The following MGMT variants were observed in gnomAD, a reference collection of about 807,000 sequenced individuals.
MGMT encodes O-6-methylguanine-DNA methyltransferase, also known as methylated-DNA--protein-cysteine methyltransferase.
A neutral mutation model predicts 15.9 loss-of-function variants in MGMT; 14 were observed. The ratio of observed to expected loss-of-function variants is 0.88; its 90% CI spans 0.58 to 1.37. The LOEUF (loss-of-function observed/expected upper bound fraction) is 1.37. MGMT is among the 40% of genes most tolerant of loss of function. The probability of loss-of-function intolerance (pLI) is 0.00; values close to 1 mark genes in which losing one functional copy is unlikely to be tolerated. For synonymous variants in MGMT, 130 were observed against 118.2 expected, an observed-to-expected ratio of 1.10 and a Z score of -0.65; for missense variants, 282 against 268.1, an observed-to-expected ratio of 1.05 and a Z score of -0.36.
At chr10:129,604,178 A>G (rs1253626262) in intron 2 of MGMT, among the ~76,000 whole-genome samples, 1 of 152,144 alleles carries the variant, frequency 6.6e-6, no homozygotes, top group African/African-American at 2.4e-5. Flanking sequence ...TGATTTACCA[A>G]AGCACTCTCT....
intron 1 of MGMT, among the ~76,000 whole-genome samples, chr10:129,517,024 T>C (rs1275202219): frequency 3.9e-5 from 6 of 152,188 alleles, no homozygotes; most frequent in African/African-American, 1.4e-4. Flanking sequence ...GGAAACAAAC[T>C]GGTGTCCAGC....
At chr10:129,738,137 G>A (rs1848586921) in intron 3 of MGMT, among the ~76,000 whole-genome samples, 1 of 152,240 alleles carries the variant, frequency 6.6e-6, no homozygotes. Flanking sequence ...GCAATGGCGG[G>A]TGCCCCTCCC....
At chr10:129,715,807 A>G (rs1848288066) in intron 3 of MGMT, among the ~76,000 whole-genome samples, 1 of 152,244 alleles carries the variant, frequency 6.6e-6, no homozygotes, top group Admixed American at 6.5e-5. Context: ...TGTAAGAACT[A>G]TGACTTAATG....
At chr10:129,665,878 G>T (rs1847653787) in intron 2 of MGMT, among the ~76,000 whole-genome samples, 1 of 152,176 alleles carries the variant, frequency 6.6e-6, no homozygotes, top group Admixed American at 6.5e-5. Flanking sequence ...AGTGTATTGT[G>T]GGAGAGACTT....
chr10:129,714,337 C>T (rs1848268693), intron 3 of MGMT, among the ~76,000 whole-genome samples: 1 of 152,222 alleles, frequency 6.6e-6, no homozygotes, highest in Non-Finnish European at 1.5e-5. Context: ...TTTGAATATG[C>T]AGTTTCCTAC....
intron 3 of MGMT, among the ~76,000 whole-genome samples, chr10:129,742,345 C>T (rs774205537): frequency 2.6e-5 from 4 of 152,256 alleles, no homozygotes; most frequent in African/African-American, 9.6e-5. Flanking sequence ...TCACACCATG[C>T]GTAGGGCTGG....
chr10:129,649,465 A>T (rs940280433), intron 2 of MGMT, among the ~76,000 whole-genome samples: 1 of 152,180 alleles, frequency 6.6e-6, no homozygotes, highest in African/African-American at 2.4e-5. Context: ...TGGGAGGAAG[A>T]TATAATGGAT....
chr10:129,556,522 A>T lies in MGMT; in HGVS notation c.125+20145A>T, dbSNP rs1308094064. Among the ~76,000 whole-genome samples the T allele has an allele frequency of 1.3e-5, 2 of 152,118 alleles. No individual in the cohort carries two copies. The highest frequency in any genetic ancestry group is 4.8e-5 in the African/African-American group (2 of 41,438). On this transcript the variant is annotated intron_variant, in intron 2 of 4. Coordinates refer to ENST00000651593, the MANE Select transcript of MGMT (RefSeq NM_002412.5). The surrounding 1 kb of genome is among the most constrained non-coding windows in gnomAD (Gnocchi z 4.3). ...AGCACCCAGGCTGCAGGGCTTCGTC[A>T]GGGCAGCCCTGGCGGAAGAACGCAG... is the stretch of plus-strand genomic sequence containing the variant.
At chr10:129,511,599 C>G (rs374444577) in intron 1 of MGMT, among the ~76,000 whole-genome samples, 2 of 152,200 alleles carry the variant, frequency 1.3e-5, no homozygotes, top group East Asian at 3.8e-4. Flanking sequence ...CACCAAGGTT[C>G]TGGGTTGTGT....
chr10:129,694,812 A>C (rs1848011769), intron 2 of MGMT, among the ~76,000 whole-genome samples: 2 of 152,174 alleles, frequency 1.3e-5, no homozygotes, highest in Admixed American at 6.5e-5. Flanking sequence ...GGGGGACAGC[A>C]TCTGAACTCT....
chr10:129,589,564 C>T (rs1313406699), intron 2 of MGMT, among the ~76,000 whole-genome samples: 1 of 152,224 alleles, frequency 6.6e-6, no homozygotes, highest in African/African-American at 2.4e-5. Flanking sequence ...TTCCATTATT[C>T]TCAGCAGGAG....
At chr10:129,528,242 CAG>C (rs1238967490) in intron 1 of MGMT, among the ~76,000 whole-genome samples, 1 of 152,106 alleles carries the variant, frequency 6.6e-6, no homozygotes, top group Non-Finnish European at 1.5e-5. Context: ...AGGAATTCCT[CAG>C]AACACAGACT....
chr10:129,558,683 C>T (rs556491757), intron 2 of MGMT, among the ~76,000 whole-genome samples: 10 of 152,308 alleles, frequency 6.6e-5, no homozygotes, highest in Non-Finnish European at 1.0e-4. Context: ...TCCGGCGTCT[C>T]TCCTGATGTT....
intron 2 of MGMT, among the ~76,000 whole-genome samples, chr10:129,688,818 C>G (rs375129719): frequency 8.2e-4 from 125 of 152,246 alleles, no homozygotes; most frequent in African/African-American, 2.9e-3. Flanking sequence ...CCCAGCACGC[C>G]TCTATCCTTT....
intron 2 of MGMT, among the ~76,000 whole-genome samples, chr10:129,624,023 C>A (rs988122331): frequency 2.0e-5 from 3 of 152,256 alleles, no homozygotes; most frequent in African/African-American, 7.2e-5. Flanking sequence ...GTGTACCCTG[C>A]AGCACCGTCC....
intron 2 of MGMT, among the ~76,000 whole-genome samples, chr10:129,639,608 A>AAAT: frequency 6.6e-6 from 1 of 152,354 alleles, no homozygotes; most frequent in East Asian, 1.9e-4. Context: ...AAGAAGTCAC[A>AAAT]GGGAAACTTA....
chr10:129,467,791 C>G (rs1034224748), intron 1 of MGMT, among the ~76,000 whole-genome samples: 2 of 152,212 alleles, frequency 1.3e-5, no homozygotes, highest in Non-Finnish European at 2.9e-5. Flanking sequence ...GTACATCATA[C>G]CCTAACTGTA....
intron 1 of MGMT, among the ~76,000 whole-genome samples, chr10:129,530,613 G>A (rs1845920311): frequency 6.6e-6 from 1 of 152,196 alleles, no homozygotes; most frequent in Non-Finnish European, 1.5e-5. Context: ...ATCGACCTTG[G>A]TTCTGGACCA....
intron 2 of MGMT, among the ~76,000 whole-genome samples, chr10:129,595,530 C>T (rs1255943559): frequency 1.3e-5 from 2 of 152,092 alleles, no homozygotes; most frequent in Non-Finnish European, 2.9e-5. Context: ...ACCTGGGGTC[C>T]GTGGTGGTCT....
Sources: allele counts gnomAD v4.1 joint callset (sites outside exome capture counted in the v4.1 genomes callset), GRCh38; gene constraint gnomAD v4.1.1; non-coding constraint Gnocchi (gnomAD v3.1); transcripts MANE v1.5; gene names NCBI Gene and HGNC (gene_info 2026-07-23, HGNC 2026-07-21).